ZDHHC21: variants seen among roughly 807,000 people sequenced by gnomAD.
ZDHHC21 encodes zDHHC palmitoyltransferase 21.
ZDHHC21 carries 15 observed loss-of-function variants against 34.6 expected under a neutral mutation model. That is an observed-to-expected ratio of 0.43 (90% CI 0.29 to 0.67). The LOEUF is 0.67. Ranked by LOEUF, ZDHHC21 falls within the 30% of genes least tolerant of loss-of-function variation. ZDHHC21 has a pLI of 0.14. For missense variants in ZDHHC21, 344 were observed against 327.7 expected (o/e 1.05, Z -0.38); for synonymous variants, 142 against 101.8 (o/e 1.40, Z -2.38).
chr9:14,604,761 C>G, the ZDHHC21 span, among the ~76,000 whole-genome samples: 1 of 152,082 alleles, frequency 6.6e-6, no homozygotes. Context: ...CAGTACGGTA[C>G]TGTTAAATTT....
chr9:14,679,748 T>G (rs569643536), intron 3 of ZDHHC21, among the ~76,000 whole-genome samples: 5 of 152,200 alleles, frequency 3.3e-5, no homozygotes, highest in East Asian at 3.9e-4. Context: ...AAATTAATAT[T>G]TTTAAAAATG....
intron 8 of ZDHHC21, among the ~76,000 whole-genome samples, chr9:14,622,063 G>C (rs1212865803): frequency 2.0e-5 from 3 of 151,872 alleles, no homozygotes; most frequent in African/African-American, 7.3e-5. Flanking sequence ...ACTTGTCCAG[G>C]AATGATAACA....
chr9:14,652,758 G>A (rs973992933), intron 7 of ZDHHC21, among the ~76,000 whole-genome samples: 1 of 151,926 alleles, frequency 6.6e-6, no homozygotes, highest in Non-Finnish European at 1.5e-5. Flanking sequence ...CTGAATACAG[G>A]TTAAGTGCCA....
At chr9:14,671,226 G>A (rs1424596567) in intron 5 of ZDHHC21, among the ~76,000 whole-genome samples, 1 of 151,964 alleles carries the variant, frequency 6.6e-6, no homozygotes, top group African/African-American at 2.4e-5. Context: ...TGAATATAAT[G>A]CAATGCTTGG....
At chr9:14,687,630 A>G (rs1323318337) in intron 2 of ZDHHC21, among the ~76,000 whole-genome samples, 1 of 150,970 alleles carries the variant, frequency 6.6e-6, no homozygotes, top group Non-Finnish European at 1.5e-5. Context: ...GTGAGCAGAA[A>G]TCATCGTGCC....
intron 7 of ZDHHC21, among the ~76,000 whole-genome samples, chr9:14,651,963 A>G (rs1323137546): frequency 3.3e-5 from 5 of 151,932 alleles, no homozygotes; most frequent in Admixed American, 6.6e-5. Flanking sequence ...GCCAATAAAT[A>G]TTTAAAGTCA....
the ZDHHC21 span, among the ~76,000 whole-genome samples, chr9:14,597,723 G>C: frequency 2.0e-5 from 3 of 152,034 alleles, no homozygotes; most frequent in African/African-American, 7.2e-5. Context: ...CCTGAGAACT[G>C]ATCTGCCCTA....
chr9:14,658,803 C>G lies in ZDHHC21; in HGVS notation c.450G>C (p.Leu150=). The G allele has an allele frequency of 6.2e-7, 1 of 1,613,702 alleles. No homozygotes were observed. The part of the protein sequence containing the change: ...FYTELLTCYA[L]MFSFCHYYYF... Reference sequence around the variant, plus strand: ...AGTAATAGTGGCAGAAAGAAAACATCAGTGCGTAGCAAGTAAGAAGTTCAG... The same window carrying G: ...AGTAATAGTGGCAGAAAGAAAACATGAGTGCGTAGCAAGTAAGAAGTTCAG... Residue 150 remains leucine (L), a synonymous_variant, in exon 7 of 10, where the codon CTG becomes CTC. Coordinates refer to ENST00000380916, the MANE Select transcript of ZDHHC21 (RefSeq NM_178566.6).
downstream of ZDHHC21, among the ~76,000 whole-genome samples, chr9:14,606,793 G>C (rs1242357971): frequency 6.6e-6 from 1 of 151,904 alleles, no homozygotes; most frequent in Non-Finnish European, 1.5e-5. Flanking sequence ...ACTAACATTT[G>C]ACAAGCAAAG....
chr9:14,661,880 T>C (rs975306374), intron 6 of ZDHHC21, among the ~76,000 whole-genome samples: 5 of 152,208 alleles, frequency 3.3e-5, no homozygotes, highest in Non-Finnish European at 7.3e-5. Flanking sequence ...TAGAAATAGC[T>C]ACCATTTAAG....
chr9:14,673,925 C>A (rs1193299675), intron 4 of ZDHHC21, among the ~76,000 whole-genome samples: 1 of 152,002 alleles, frequency 6.6e-6, no homozygotes, highest in Non-Finnish European at 1.5e-5. Context: ...CAAGTTATCA[C>A]TACTGTGTCA....
At chr9:14,626,251 C>A (rs949630011) in intron 8 of ZDHHC21, among the ~76,000 whole-genome samples, 3 of 151,742 alleles carry the variant, frequency 2.0e-5, no homozygotes, top group African/African-American at 7.3e-5. Context: ...GCCAAAATAC[C>A]ATAAGCAAAC....
intron 6 of ZDHHC21, 142 bp from the exon 7 acceptor site, chr9:14,659,029 C>A: frequency 1.3e-6 from 1 of 760,160 alleles, no homozygotes; most frequent in Non-Finnish European, 2.1e-6. Flanking sequence ...AAGGTAAAAA[C>A]AAACTATACA....
At chr9:14,652,745 C>A (rs1050123649) in intron 7 of ZDHHC21, among the ~76,000 whole-genome samples, 4 of 151,912 alleles carry the variant, frequency 2.6e-5, no homozygotes, top group African/African-American at 9.7e-5. Flanking sequence ...TACCAGTTTT[C>A]TACTGAATAC....
At chr9:14,657,777 T>C (rs909026064) in intron 7 of ZDHHC21, among the ~76,000 whole-genome samples, 3 of 152,216 alleles carry the variant, frequency 2.0e-5, no homozygotes, top group Non-Finnish European at 2.9e-5. Context: ...TTAACACCAC[T>C]AAACTCTACT....
intron 5 of ZDHHC21, among the ~76,000 whole-genome samples, chr9:14,664,877 A>C (rs1197303110): frequency 4.0e-5 from 6 of 151,512 alleles, no homozygotes; most frequent in African/African-American, 1.5e-4. Flanking sequence ...CCAAAAGTAG[A>C]TAAAATCACA....
At chr9:14,670,882 A>C (rs2131499029) in intron 5 of ZDHHC21, among the ~76,000 whole-genome samples, 1 of 152,160 alleles carries the variant, frequency 6.6e-6, no homozygotes, top group Admixed American at 6.5e-5. Flanking sequence ...AACACACCCT[A>C]CATATCTCTA....
chr9:14,675,888 T>C (rs1281551473), intron 3 of ZDHHC21, among the ~76,000 whole-genome samples: 2 of 151,810 alleles, frequency 1.3e-5, no homozygotes, highest in African/African-American at 2.4e-5. Context: ...GTGACAAGAA[T>C]ACTGCAAACA....
the ZDHHC21 span, chr9:14,589,212 A>C: frequency 3.9e-5 from 6 of 152,268 alleles, no homozygotes; most frequent in South Asian, 2.1e-4. Context: ...AGATAAACAC[A>C]TAATGAAGAA....
Sources: gnomAD v4.1 joint callset for allele counts (sites outside exome capture counted in the v4.1 genomes callset) on GRCh38, gnomAD v4.1.1 for gene constraint, MANE v1.5 for transcripts, NCBI Gene and HGNC (gene_info 2026-07-23, HGNC 2026-07-21) for gene names.